ATP8A2: variants seen among roughly 807,000 people sequenced by gnomAD.
ATP8A2 encodes ATPase phospholipid transporting 8A2.
Under a neutral mutation model 165.6 loss-of-function variants are expected in ATP8A2, and 100 were observed. The observed-to-expected ratio is 0.60, with a 90% CI of 0.51 to 0.71. The LOEUF is 0.71. Among genes scored for constraint, ATP8A2 ranks in the 30% least tolerant of loss-of-function variants. ATP8A2 has a pLI of 0.00. For synonymous variants in ATP8A2, 543 were observed against 548.8 expected (o/e 0.99, Z 0.15); for missense variants, 1,227 against 1,479.5 (o/e 0.83, Z 2.80).
intron 26 of ATP8A2, among the ~76,000 whole-genome samples, 185 bp from the exon 27 acceptor site, chr13:25,774,664 G>A (rs1011473195): frequency 6.6e-6 from 1 of 152,218 alleles, no homozygotes; most frequent in Non-Finnish European, 1.5e-5. Context: ...GTAGTTTCAA[G>A]AAGGATTTTA....
intron 33 of ATP8A2, chr13:25,871,183 A>G (rs1335560629): frequency 2.4e-6 from 1 of 414,520 alleles, no homozygotes; most frequent in Non-Finnish European, 4.7e-6. Context: ...TTTTTAAAAT[A>G]TCTGTCAGCA....
At position 25,520,785 on chromosome 13, in the gene ATP8A2, A is replaced by G. The variant is rs1593451521; in HGVS notation, c.222-9214A>G. The stretch of plus-strand genomic sequence containing the variant: ...CCTGGCTAATTTTTTGTATATATAT[A>G]TATTTTTTTTAGTAGAGACAAGGTT... On this transcript the variant is annotated intron_variant, in intron 2 of 36. Coordinates refer to ENST00000381655, the MANE Select transcript of ATP8A2 (RefSeq NM_016529.6). Among the ~76,000 whole-genome samples the G allele has an allele frequency of 2.7e-5, 4 of 150,226 alleles. No homozygotes were observed. The Admixed American group carries it at 2.7e-4, about 10-fold the overall frequency.
At chr13:25,503,489 G>T (rs779449554) in intron 2 of ATP8A2, among the ~76,000 whole-genome samples, 7 of 152,102 alleles carry the variant, frequency 4.6e-5, no homozygotes. Context: ...CTTGGCACTG[G>T]TGCTACCCTT....
intron 33 of ATP8A2, among the ~76,000 whole-genome samples, chr13:25,870,735 A>G (rs1359249494): frequency 1.3e-5 from 2 of 152,292 alleles, no homozygotes; most frequent in East Asian, 3.9e-4. Flanking sequence ...AGCTACAGTG[A>G]TGATGAACCA....
chr13:25,439,996 C>A (rs1055354746), intron 1 of ATP8A2, among the ~76,000 whole-genome samples: 1 of 152,062 alleles, frequency 6.6e-6, no homozygotes, highest in African/African-American at 2.4e-5. Flanking sequence ...ATCCAAAGGT[C>A]ATTTTATGAG....
chr13:25,538,653 A>T (rs2038365096), intron 7 of ATP8A2, among the ~76,000 whole-genome samples: 1 of 152,208 alleles, frequency 6.6e-6, no homozygotes. Context: ...ATGAAAGTAC[A>T]TAGCTAGGAA....
chr13:25,688,823 G>A (rs1340379999), intron 24 of ATP8A2, among the ~76,000 whole-genome samples: 3 of 152,248 alleles, frequency 2.0e-5, no homozygotes, highest in African/African-American at 7.2e-5. Flanking sequence ...TCTGTCTGGT[G>A]CCTTTGCTTC....
chr13:25,410,023 A>T (rs1484653662), intron 1 of ATP8A2, among the ~76,000 whole-genome samples: 3 of 151,136 alleles, frequency 2.0e-5, no homozygotes, highest in African/African-American at 7.3e-5. Context: ...TATTCAGAAA[A>T]TCATTCTCCT....
chr13:25,609,812 C>A lies in ATP8A2; in HGVS notation c.2211+20113C>A, dbSNP rs186759072. Among the ~76,000 whole-genome samples the A allele has an allele frequency of 8.2e-3, 1,221 of 148,730 alleles. 14 individuals carry two copies. Among genetic ancestry groups the A allele is most frequent in the African/African-American group, 0.028 (1,154 of 40,560 alleles). ...TTTTTTTTTTTTTATTATGGCCATT[C>A]TTGCAGGAGTAAGGTGGTATCCCAT... is the stretch of plus-strand genomic sequence containing the variant. On this transcript the variant is annotated intron_variant, in intron 24 of 36. Coordinates refer to ENST00000381655, the MANE Select transcript of ATP8A2 (RefSeq NM_016529.6).
chr13:25,848,417 G>C (rs1004925441), intron 30 of ATP8A2, among the ~76,000 whole-genome samples: 1 of 152,192 alleles, frequency 6.6e-6, no homozygotes, highest in Non-Finnish European at 1.5e-5. Context: ...GGCCTAGCAC[G>C]GCATGGGGTG....
intron 1 of ATP8A2, among the ~76,000 whole-genome samples, chr13:25,402,705 T>C (rs59177794): frequency 0.23 from 34,504 of 152,084 alleles, 4,672 homozygotes; most frequent in East Asian, 0.45. Context: ...ATTTAGGAGA[T>C]GATTTGGCCC....
intron 23 of ATP8A2, among the ~76,000 whole-genome samples, chr13:25,584,456 A>AT (rs1214650952): frequency 6.6e-6 from 1 of 152,164 alleles, no homozygotes; most frequent in Non-Finnish European, 1.5e-5. Context: ...TCCAGAAGAT[A>AT]TTTGGGAAGA....
intron 25 of ATP8A2, among the ~76,000 whole-genome samples, chr13:25,749,142 T>C (rs578072205): frequency 6.6e-6 from 1 of 152,332 alleles, no homozygotes; most frequent in South Asian, 2.1e-4. Flanking sequence ...GTTGACACTT[T>C]CTAACTCTTG....
chr13:25,529,350 T>C (rs762451930), intron 2 of ATP8A2, among the ~76,000 whole-genome samples: 7 of 152,198 alleles, frequency 4.6e-5, no homozygotes, highest in Non-Finnish European at 7.4e-5. Context: ...TTCTTGTCGT[T>C]CCCATAATCT....
intron 24 of ATP8A2, among the ~76,000 whole-genome samples, chr13:25,615,755 A>G (rs2040807146): frequency 6.6e-6 from 1 of 152,112 alleles, no homozygotes; most frequent in South Asian, 2.1e-4. Flanking sequence ...TTTTTCGCTC[A>G]GCTCTCTAAA....
intron 1 of ATP8A2, among the ~76,000 whole-genome samples, chr13:25,380,821 TGTCTG>T (rs1282907624): frequency 2.6e-5 from 4 of 152,178 alleles, no homozygotes; most frequent in Non-Finnish European, 5.9e-5. Flanking sequence ...TCCAGGGACT[TGTCTG>T]GTCTTCCAAG....
At chr13:25,979,537 G>T (rs747639888) in intron 35 of ATP8A2, among the ~76,000 whole-genome samples, 5 of 152,178 alleles carry the variant, frequency 3.3e-5, no homozygotes, top group Non-Finnish European at 7.3e-5. Flanking sequence ...TTGGCTCAAG[G>T]CCCCTTAGGT....
chr13:25,943,358 T>G (rs1205474449), intron 33 of ATP8A2, among the ~76,000 whole-genome samples: 1 of 152,196 alleles, frequency 6.6e-6, no homozygotes, highest in African/African-American at 2.4e-5. Flanking sequence ...AGACCACACA[T>G]ATGACCAGGA....
chr13:25,484,675 C>T lies in ATP8A2; in HGVS notation c.221+15554C>T, dbSNP rs149839546. Among the ~76,000 whole-genome samples the T allele has an allele frequency of 1.3e-4, 19 of 151,950 alleles. No homozygotes were observed. The East Asian group carries it at 2.3e-3, about 19-fold the overall frequency. On this transcript the variant is annotated intron_variant, in intron 2 of 36. Coordinates refer to ENST00000381655, the MANE Select transcript of ATP8A2 (RefSeq NM_016529.6). Reference sequence around the variant, plus strand: ...GACTACAGGCGTTCACCAGCAGGCCCGGCTAATTTTTTTGTATTTTTAGTA... The same window carrying T: ...GACTACAGGCGTTCACCAGCAGGCCTGGCTAATTTTTTTGTATTTTTAGTA...
Sources: allele counts gnomAD v4.1 joint callset (sites outside exome capture counted in the v4.1 genomes callset), GRCh38; gene constraint gnomAD v4.1.1; transcripts MANE v1.5; gene names NCBI Gene and HGNC (gene_info 2026-07-23, HGNC 2026-07-21).